Variants in BMP5 observed in about 807,000 individuals in gnomAD.
BMP5 encodes the protein bone morphogenetic protein 5.
BMP5 carries 23 observed loss-of-function variants against 46.6 expected under a neutral mutation model. The ratio of observed to expected loss-of-function variants is 0.49; its 90% CI spans 0.35 to 0.70. The LOEUF (loss-of-function observed/expected upper bound fraction) is 0.70, where lower values mean the gene tolerates loss of function less well. BMP5 is among the 30% of genes least tolerant of loss of function. The probability of loss-of-function intolerance (pLI) is 0.00; values close to 1 mark genes in which losing one functional copy is unlikely to be tolerated. For synonymous variants in BMP5, 204 were observed against 191.9 expected (o/e 1.06, Z -0.52); for missense variants, 545 against 565.6 (o/e 0.96, Z 0.37).
intron 4 of BMP5, 34 bp downstream of exon 4, chr6:55,774,011 ACTCT>A (rs1468987396): frequency 6.2e-7 from 1 of 1,603,356 alleles, no homozygotes. Context: ...CGACCCCATA[ACTCT>A]CTGTGCATAA....
At chr6:55,794,872 G>C (rs1048412592) in intron 2 of BMP5, among the ~76,000 whole-genome samples, 1 of 152,098 alleles carries the variant, frequency 6.6e-6, no homozygotes, top group African/African-American at 2.4e-5. Flanking sequence ...ATCTGTTTTA[G>C]AAGGAGTTTT....
intron 2 of BMP5, among the ~76,000 whole-genome samples, chr6:55,796,223 C>T (rs1350500484): frequency 6.6e-6 from 1 of 151,996 alleles, no homozygotes; most frequent in Non-Finnish European, 1.5e-5. Context: ...CTGCAAGGCT[C>T]ATAATGTCAT....
rs889397212 is a variant in BMP5, at chr6:55,842,592, T to C, written c.491-22745A>G. ...ATCACTGCCTCCTCAATTCACTGGC[T>C]GCTGCTCTCAGCTGAGGTTTCACCT... is the stretch of plus-strand genomic sequence containing the variant. On this transcript the variant is annotated intron_variant, in intron 1 of 6. Coordinates refer to ENST00000370830, the MANE Select transcript of BMP5 (RefSeq NM_021073.4). Among the ~76,000 whole-genome samples the C allele has an allele frequency of 1.1e-4, 17 of 152,182 alleles. No homozygotes were observed. The Middle Eastern group carries it at 0.01, about 91-fold the overall frequency.
intron 1 of BMP5, among the ~76,000 whole-genome samples, chr6:55,837,052 C>CT (rs112520541): frequency 3.4e-3 from 494 of 143,804 alleles, no homozygotes; most frequent in African/African-American, 4.9e-3. Context: ...TTTAAAGTAA[C>CT]TTTTTTTTTT....
intron 1 of BMP5, among the ~76,000 whole-genome samples, chr6:55,824,311 T>G (rs985027471): frequency 4.6e-5 from 7 of 152,014 alleles, no homozygotes; most frequent in Non-Finnish European, 7.4e-5. Context: ...TATACTATTA[T>G]TGGCTTTGAG....
chr6:55,807,714 A>C (rs1292910537), intron 2 of BMP5, among the ~76,000 whole-genome samples: 1 of 152,022 alleles, frequency 6.6e-6, no homozygotes, highest in Non-Finnish European at 1.5e-5. Context: ...TTGGTAGGCT[A>C]TTTATTACTG....
chr6:55,791,867 C>G (rs1209485181), intron 3 of BMP5, among the ~76,000 whole-genome samples: 1 of 152,132 alleles, frequency 6.6e-6, no homozygotes, highest in Non-Finnish European at 1.5e-5. Flanking sequence ...AAGCACATAC[C>G]ACTAATTTCA....
chr6:55,772,001 C>T (rs532082413), intron 4 of BMP5, among the ~76,000 whole-genome samples: 195 of 151,992 alleles, frequency 1.3e-3, no homozygotes, highest in Non-Finnish European at 1.7e-3. Flanking sequence ...TGAGGATTTT[C>T]CCAGACTGCT....
At chr6:55,847,646 T>A (rs1202694516) in intron 1 of BMP5, among the ~76,000 whole-genome samples, 1 of 151,950 alleles carries the variant, frequency 6.6e-6, no homozygotes, top group African/African-American at 2.4e-5. Context: ...TGCAATAATT[T>A]TTTTTACTTT....
At chr6:55,758,410 G>C (rs187500400) in intron 6 of BMP5, among the ~76,000 whole-genome samples, 10 of 151,858 alleles carry the variant, frequency 6.6e-5, no homozygotes, top group African/African-American at 1.7e-4. Flanking sequence ...TCAGTACATT[G>C]TTCATAAAAA....
chr6:55,813,605 G>A (rs958661555), intron 2 of BMP5, among the ~76,000 whole-genome samples: 1 of 151,904 alleles, frequency 6.6e-6, no homozygotes, highest in African/African-American at 2.4e-5. Context: ...CTGGCTAACG[G>A]TGAAACCCCG....
intron 2 of BMP5, among the ~76,000 whole-genome samples, chr6:55,818,275 C>A (rs1435569910): frequency 6.6e-6 from 1 of 151,252 alleles, no homozygotes; most frequent in African/African-American, 2.4e-5. Flanking sequence ...CTTTTGGTAC[C>A]TAATTTGCAA....
chr6:55,840,564 C>A (rs1417413308), intron 1 of BMP5, among the ~76,000 whole-genome samples: 3 of 152,080 alleles, frequency 2.0e-5, no homozygotes, highest in Non-Finnish European at 2.9e-5. Context: ...TCCAGCATTT[C>A]TTATCATATA....
chr6:55,874,424 T>C lies in BMP5; in HGVS notation c.442A>G (p.Thr148Ala). Residue 148 changes from threonine (T) to alanine (A), a missense_variant, in exon 1 of 7, where the codon ACC becomes GCC. Physicochemically the swap from Thr to Ala is moderately conservative, Grantham distance 58. Coordinates refer to ENST00000370830, the MANE Select transcript of BMP5 (RefSeq NM_021073.4). ...QSPPLASLHD[T>A]NFLNDADMVM... Reference sequence around the variant, plus strand: ...ATGTCAGCATCATTCAGAAAGTTGGTATCATGGAGGCTGGCTAGAGGAGGA... The same window carrying C: ...ATGTCAGCATCATTCAGAAAGTTGGCATCATGGAGGCTGGCTAGAGGAGGA... 1 of 1,613,190 alleles carries C rather than the reference T, an allele frequency of 6.2e-7. No individual in the cohort carries two copies. Among genetic ancestry groups the C allele is most frequent in the East Asian group, 2.2e-5 (1 of 44,824 alleles).
At chr6:55,813,719 G>A (rs542119379) in intron 2 of BMP5, among the ~76,000 whole-genome samples, 83 of 151,408 alleles carry the variant, frequency 5.5e-4, no homozygotes, top group African/African-American at 1.8e-3. Flanking sequence ...CCAGGGAGAC[G>A]GAGCTTGCAG....
chr6:55,866,789 C>T (rs188306642), intron 1 of BMP5, among the ~76,000 whole-genome samples: 1 of 152,000 alleles, frequency 6.6e-6, no homozygotes, highest in South Asian at 2.1e-4. Flanking sequence ...AAATTATTGA[C>T]CCATGTACAA....
At chr6:55,855,021 C>T (rs1777351340) in intron 1 of BMP5, among the ~76,000 whole-genome samples, 1 of 151,426 alleles carries the variant, frequency 6.6e-6, no homozygotes, top group Admixed American at 6.6e-5. Flanking sequence ...TTTTTCTCTC[C>T]CCCCTAAAAT....
At chr6:55,820,711 C>T (rs533394991) in intron 1 of BMP5, among the ~76,000 whole-genome samples, 2 of 148,928 alleles carry the variant, frequency 1.3e-5, no homozygotes, top group East Asian at 2.0e-4. Context: ...AGCTACTCTG[C>T]CCCGTGTTGT....
chr6:55,770,767 C>T (rs949265545), intron 4 of BMP5, among the ~76,000 whole-genome samples: 2 of 151,690 alleles, frequency 1.3e-5, no homozygotes, highest in South Asian at 2.1e-4. Context: ...AGGCCATTGT[C>T]GGGTACTAAC....
Sources: allele counts gnomAD v4.1 joint callset (sites outside exome capture counted in the v4.1 genomes callset), GRCh38; gene constraint gnomAD v4.1.1; transcripts MANE v1.5; gene names NCBI Gene and HGNC (gene_info 2026-07-23, HGNC 2026-07-21).